The following TBXT variants were observed in gnomAD, a reference collection of about 807,000 sequenced individuals.
The protein encoded by TBXT is T-box transcription factor T.
A neutral mutation model predicts 41.1 loss-of-function variants in TBXT; 19 were observed. The observed-to-expected ratio is 0.46, with a 90% CI of 0.32 to 0.68. TBXT has a LOEUF of 0.68. Ranked by LOEUF, TBXT falls within the 30% of genes least tolerant of loss-of-function variation. TBXT has a pLI of 0.03. For missense variants in TBXT, 536 were observed against 582.0 expected (o/e 0.92, Z 0.81); for synonymous variants, 213 against 238.9 (o/e 0.89, Z 1.00).
intron 5 of TBXT, among the ~76,000 whole-genome samples, chr6:166,164,289 C>T (rs1779045033): frequency 1.4e-5 from 2 of 145,632 alleles, no homozygotes. Flanking sequence ...GAGCTAGATT[C>T]TCCTGTTGCC....
At chr6:166,165,628 C>T in intron 3 of TBXT, 78 bp downstream of exon 3, 6 of 1,609,642 alleles carry the variant, frequency 3.7e-6, no homozygotes, top group South Asian at 2.2e-5. Flanking sequence ...CGCGTCTCCC[C>T]GCTCCTCCAG....
In TBXT at chr6:166,167,675, C is replaced by T. The variant is rs1779170924; in HGVS notation, c.-84G>A. 5 of 1,522,612 alleles carry T rather than the reference C, an allele frequency of 3.3e-6. No homozygotes were observed. Among genetic ancestry groups the T allele is most frequent in the Admixed American group, 4.0e-5 (2 of 50,500 alleles). 94.3% of individuals were successfully genotyped at this position (1,522,612 alleles called of 1,614,324 possible). On this transcript the variant is annotated 5_prime_UTR_variant, in exon 1 of 8. Coordinates refer to ENST00000366876, the MANE Select transcript of TBXT (RefSeq NM_001366285.2). ...CACCTTCCCTGCTCTTGGCCGCCGC[C>T]CTTCCGAGAAAAGGGGCCCCTTGGA... is the stretch of plus-strand genomic sequence containing the variant.
At position 166,167,703 on chromosome 6, in the gene TBXT, G is replaced by C. The variant is rs112553716; in HGVS notation, c.-112C>G. 1.4e-6 allele frequency: 2 copies of C among 1,405,812 alleles called. No individual in the cohort carries two copies. Among genetic ancestry groups the C allele is most frequent in the Non-Finnish European group, 1.9e-6 (2 of 1,036,336 alleles). 87.1% of individuals were successfully genotyped at this position (1,405,812 alleles called of 1,614,324 possible). A position where few individuals can be genotyped will look rare whatever the true frequency, so the allele number is the denominator to read the frequency against. ...TCCGAGAAAAGGGGCCCCTTGGACC[G>C]AGACCTGCGACGGCTCCCGGGTCCC... On this transcript the variant is annotated 5_prime_UTR_variant, in exon 1 of 8. Transcript: ENST00000366876.
chr6:166,158,078 T>A lies in TBXT; in HGVS notation c.*237A>T. 1 of 634,106 alleles carries A rather than the reference T, an allele frequency of 1.6e-6. No homozygotes were observed. Among genetic ancestry groups the A allele is most frequent in the Admixed American group, 2.7e-5 (1 of 37,294 alleles). The allele number at this position is 634,106 out of a possible 1,614,324, so 39.3% of individuals were successfully genotyped here. A position where few individuals can be genotyped will look rare whatever the true frequency, so the allele number is the denominator to read the frequency against. On this transcript the variant is annotated 3_prime_UTR_variant, in exon 8 of 8. Coordinates refer to ENST00000366876, the MANE Select transcript of TBXT (RefSeq NM_001366285.2). ...TGGGCCAACTGCATCATCTCCACAG[T>A]TGGGTTCATCTGTAAGCCACCTGGG...
intron 5 of TBXT, among the ~76,000 whole-genome samples, chr6:166,163,429 G>A (rs1779018702): frequency 6.6e-6 from 1 of 152,190 alleles, no homozygotes; most frequent in African/African-American, 2.4e-5. Context: ...TGTCACCCAG[G>A]CTGGAGTGCA....
chr6:166,159,398 A>G (rs1175928356), intron 7 of TBXT, among the ~76,000 whole-genome samples: 1 of 151,926 alleles, frequency 6.6e-6, no homozygotes, highest in Admixed American at 6.6e-5. Flanking sequence ...ACTCCAGTAC[A>G]GACACAATTC....
chr6:166,166,555 TC>T (rs1779121345), intron 2 of TBXT, 36 bp downstream of exon 2: 24 of 1,612,676 alleles, frequency 1.5e-5, no homozygotes, highest in Non-Finnish European at 1.9e-5. Flanking sequence ...GGCCCCCTCC[TC>T]GCTGGTCCCA....
chr6:166,162,420 C>G (rs765247207), intron 6 of TBXT, 27 bp downstream of exon 6: 3 of 1,613,976 alleles, frequency 1.9e-6, no homozygotes, highest in Non-Finnish European at 2.5e-6. Flanking sequence ...CCCACCAACC[C>G]CTGGCAGAAT....
chr6:166,161,312 A>T (rs1778948935), intron 6 of TBXT, among the ~76,000 whole-genome samples: 1 of 152,180 alleles, frequency 6.6e-6, no homozygotes, highest in Non-Finnish European at 1.5e-5. Flanking sequence ...TTTACCAGTG[A>T]TTACTTCATA....
In TBXT at chr6:166,166,679, G is replaced by T. The variant is rs751255909; in HGVS notation, c.384C>A (p.Asp128Glu). 1 of 1,614,078 alleles carries T rather than the reference G, an allele frequency of 6.2e-7. No homozygotes were observed. Among genetic ancestry groups the T allele is most frequent in the Non-Finnish European group, 8.5e-7 (1 of 1,180,046 alleles). The change falls in exon 2 of 8, where the codon GAC (aspartate) becomes GAA (glutamate). Residue 128 changes from aspartate (D) to glutamate (E), a missense_variant. Transcript: ENST00000366876. Reference sequence around the variant, plus strand: ...TCCAGTGGGCCCCGAAGTTGGGCGAGTCGGGGTGGATGTAGACGCAGCTGG... The same window carrying T: ...TCCAGTGGGCCCCGAAGTTGGGCGATTCGGGGTGGATGTAGACGCAGCTGG... ...QAPSCVYIHP[D>E]SPNFGAHWMK...
rs1226573432 is a variant in TBXT at position 166,158,693 on chromosome 6, GAC to G, written c.1038-107_1038-106del. On this transcript the variant is annotated intron_variant, in intron 7 of 7. Coordinates refer to ENST00000366876, the MANE Select transcript of TBXT (RefSeq NM_001366285.2). Reference sequence around the variant, plus strand: ...CCCATTCGGAGTGACTGTGTAATATGACAGTTTTCTTCTTTCAAACAGGTCAT... The same window carrying G: ...CCCATTCGGAGTGACTGTGTAATATGAGTTTTCTTCTTTCAAACAGGTCAT... The G allele has an allele frequency of 2.3e-6, 3 of 1,308,378 alleles. No individual in the cohort carries two copies. The African/African-American group carries it at 4.5e-5, about 19-fold the overall frequency. The allele number at this position is 1,308,378 out of a possible 1,614,324, so 81.0% of individuals were successfully genotyped here. A position where few individuals can be genotyped will look rare whatever the true frequency, so the allele number is the denominator to read the frequency against.
At position 166,163,014 on chromosome 6, in the gene TBXT, G is replaced by A. The variant is rs1185987928; in HGVS notation, c.731-391C>T. On this transcript the variant is annotated intron_variant, in intron 5 of 7. Coordinates refer to ENST00000366876, the MANE Select transcript of TBXT (RefSeq NM_001366285.2). ...TAACCCAAGGCTTCCAATCCTGTGT[G>A]TACCTGAGTAAACCCAGGAGCCTGG... 2.0e-5 allele frequency among the ~76,000 whole-genome samples: 3 copies of A among 152,330 alleles called. No homozygotes were observed. The East Asian group carries it at 5.8e-4, about 29-fold the overall frequency.
In TBXT at chr6:166,164,585, C is replaced by A. The variant is rs1187406699; in HGVS notation, c.730+20G>T. 1 of 1,614,052 alleles carries A rather than the reference C, an allele frequency of 6.2e-7. No individual in the cohort carries two copies. Among genetic ancestry groups the A allele is most frequent in the South Asian group, 1.1e-5 (1 of 91,084 alleles). On this transcript the variant is annotated intron_variant, in intron 5 of 7. Transcript: ENST00000366876. Reference sequence around the variant, plus strand: ...GTCCCGATGACGCAGAATGACATGACAGAGTGCAACAAACCGTACATTGGG... The same window carrying A: ...GTCCCGATGACGCAGAATGACATGAAAGAGTGCAACAAACCGTACATTGGG...
In TBXT at chr6:166,167,773, G is replaced by A. The variant is rs948199549; in HGVS notation, c.-182C>T. On this transcript the variant is annotated 5_prime_UTR_variant, in exon 1 of 8. Transcript: ENST00000366876. ...GGAGGAGGGCGCGGACCAAGACTTG[G>A]GGGGAGGGGACGGGGGCAGAGGGGT... is the stretch of plus-strand genomic sequence containing the variant. 46 of 702,978 alleles carry A rather than the reference G, an allele frequency of 6.5e-5. 1 individual carries two copies. Among genetic ancestry groups the A allele is most frequent in the South Asian group, 3.7e-4 (21 of 56,058 alleles). The allele number at this position is 702,978 out of a possible 1,614,324, so 43.5% of individuals were successfully genotyped here.
intron 5 of TBXT, among the ~76,000 whole-genome samples, chr6:166,163,302 TC>T (rs975821156): frequency 6.6e-6 from 1 of 151,790 alleles, no homozygotes; most frequent in Non-Finnish European, 1.5e-5. Context: ...TGGTTTAAGC[TC>T]CCCCCATTCT....
At chr6:166,158,623 G>A (rs1022552563) in intron 7 of TBXT, 35 bp from the exon 8 acceptor site, 3 of 1,461,398 alleles carry the variant, frequency 2.1e-6, no homozygotes, top group Middle Eastern at 2.3e-4. Context: ...CAGGGCCTGG[G>A]CAGGGGCTGC....
At chr6:166,159,855 T>G (rs756551148) in intron 7 of TBXT, among the ~76,000 whole-genome samples, 2 of 152,226 alleles carry the variant, frequency 1.3e-5, no homozygotes, top group Non-Finnish European at 2.9e-5. Context: ...GCTTGCAGTG[T>G]GCGGGTCATC....
In TBXT at chr6:166,158,358, C is replaced by T. The variant is rs761833646; in HGVS notation, c.1268G>A (p.Arg423His). 8 of 1,614,118 alleles carry T rather than the reference C, an allele frequency of 5.0e-6. No homozygotes were observed. Among genetic ancestry groups the T allele is most frequent in the South Asian group, 2.2e-5 (2 of 91,088 alleles). Residue 423 changes from arginine to histidine, a missense_variant, in exon 8 of 8, where the codon CGC becomes CAC. By Grantham distance (29) the Arg-to-His change is conservative. Coordinates refer to ENST00000366876, the MANE Select transcript of TBXT (RefSeq NM_001366285.2). The part of the protein sequence containing the change: ...DSQYDAAAQG[R>H]LIASWTPVSP... ...CACAGGTGTCCATGAGGCTATGAGG[C>T]GGCCTTGGGCTGCGGCGTCGTACTG...
At chr6:166,159,014 T>C (rs946021953) in intron 7 of TBXT, among the ~76,000 whole-genome samples, 1 of 152,064 alleles carries the variant, frequency 6.6e-6, no homozygotes, top group Non-Finnish European at 1.5e-5. Context: ...CTCTACTAAA[T>C]ACAAAAAATT....
Sources: allele counts gnomAD v4.1 joint callset (sites outside exome capture counted in the v4.1 genomes callset), GRCh38; gene constraint gnomAD v4.1.1; transcripts MANE v1.5; gene names NCBI Gene and HGNC (gene_info 2026-07-23, HGNC 2026-07-21).